The following BAZ1A variants were observed in gnomAD, a reference collection of about 807,000 sequenced individuals.
BAZ1A encodes bromodomain adjacent to zinc finger domain 1A.
BAZ1A carries 50 observed loss-of-function variants against 185.2 expected under a neutral mutation model. The ratio of observed to expected loss-of-function variants is 0.27; its 90% CI spans 0.22 to 0.34. BAZ1A has a LOEUF of 0.34. Ranked by LOEUF, BAZ1A falls within the 10% of genes least tolerant of loss-of-function variation. BAZ1A has a pLI of 1.00. For synonymous variants in BAZ1A, 571 were observed against 615.6 expected (o/e 0.93, Z 1.07); for missense variants, 1,356 against 1,839.9 (o/e 0.74, Z 4.81).
intron 6 of BAZ1A, 110 bp downstream of exon 6, chr14:34,807,341 G>C (rs956959881): frequency 3.0e-5 from 22 of 722,168 alleles, no homozygotes; most frequent in East Asian, 2.6e-4. Context: ...CAGATTAAAA[G>C]AGAGCAATCT....
rs1227818086 is a variant in BAZ1A, at chr14:34,874,597, A to T, written c.8T>A (p.Leu3Gln). The change falls in exon 2 of 27, where the codon CTG (leucine) becomes CAG (glutamine). Residue 3 changes from leucine (L) to glutamine (Q), a missense_variant. Leu to Gln is a moderately radical substitution (Grantham distance 113, BLOSUM62 -2). This residue lies in a region of BAZ1A where 332 missense variants were observed against 395.3 expected (regional missense o/e 0.84). Coordinates refer to ENST00000360310, the MANE Select transcript of BAZ1A (RefSeq NM_013448.3). The surrounding 1 kb of genome is among the most constrained non-coding windows in gnomAD (Gnocchi z 4.7). ...TCTCACAAACGGCTTTCGGTGTAGC[A>T]GCGGCATCTCCCGTCCGCCCGCGGG... MP[L>Q]LHRKPFVRQK... The T allele has an allele frequency of 6.2e-7, 1 of 1,606,666 alleles. No homozygotes were observed. Among genetic ancestry groups the T allele is most frequent in the Non-Finnish European group, 8.5e-7 (1 of 1,176,694 alleles).
chr14:34,863,058 G>A (rs1391835689), intron 2 of BAZ1A, among the ~76,000 whole-genome samples: 7 of 145,372 alleles, frequency 4.8e-5, no homozygotes, highest in Admixed American at 7.1e-5. Flanking sequence ...GCCGGATCTC[G>A]GCTCACTGCA....
At chr14:34,839,229 G>C (rs2138751547) in intron 3 of BAZ1A, among the ~76,000 whole-genome samples, 1 of 152,280 alleles carries the variant, frequency 6.6e-6, no homozygotes, top group East Asian at 1.9e-4. Context: ...TCCTGATTGT[G>C]GTGAGTTACA....
chr14:34,851,970 AC>A (rs1460185766), intron 3 of BAZ1A, among the ~76,000 whole-genome samples: 1 of 151,930 alleles, frequency 6.6e-6, no homozygotes, highest in Non-Finnish European at 1.5e-5. Context: ...TACTAAAAAT[AC>A]AAAAAATTAG....
At chr14:34,863,404 C>T (rs1000299708) in intron 2 of BAZ1A, among the ~76,000 whole-genome samples, 3 of 151,874 alleles carry the variant, frequency 2.0e-5, no homozygotes, top group Admixed American at 2.0e-4. Context: ...CTCAGGCGAT[C>T]TGCCTGCCTC....
In BAZ1A at chr14:34,874,453, C is replaced by T; in HGVS notation, c.113+39G>A. 6.5e-7 allele frequency: 1 copy of T among 1,544,614 alleles called. No homozygotes were observed. The highest frequency in any genetic ancestry group is 8.9e-7 in the Non-Finnish European group (1 of 1,118,420). On this transcript the variant is annotated intron_variant, in intron 2 of 26. Coordinates refer to ENST00000360310, the MANE Select transcript of BAZ1A (RefSeq NM_013448.3). The surrounding 1 kb of genome is among the most constrained non-coding windows in gnomAD (Gnocchi z 4.7). ...CAAAAGAGCGCTGCGGGGGGAGTCC[C>T]CACACCCCCCGCGGCCCCGCACACG...
rs369045831 is a variant in BAZ1A at position 34,801,190 on chromosome 14, C to G, written c.865G>C (p.Asp289His). The part of the protein sequence containing the change: ...PPKRIHISQE[D>H]NVANKQTLAS... ...AGAGTCTGTTTATTAGCAACATTGT[C>G]CTCCTAAAAAACAAACCAAAATAGT... The change falls in exon 8 of 27, where the codon GAC becomes CAC. Residue 289 changes from aspartate (D) to histidine (H), a missense_variant. Coordinates refer to ENST00000360310, the MANE Select transcript of BAZ1A (RefSeq NM_013448.3). 2.3e-5 allele frequency: 37 copies of G among 1,600,360 alleles called. No homozygotes were observed. The Middle Eastern group carries it at 5.0e-4, about 21-fold the overall frequency.
Position 34,874,387 on chromosome 14 carries a change from G to T in BAZ1A, c.113+105C>A. Reference sequence around the variant, plus strand: ...CCCGGGGGCCACCCGTCACTTTCAAGTCGCCCCGCCAGAAGCCCAGGGCGA... The same window carrying T: ...CCCGGGGGCCACCCGTCACTTTCAATTCGCCCCGCCAGAAGCCCAGGGCGA... On this transcript the variant is annotated intron_variant, in intron 2 of 26. Transcript: ENST00000360310. The surrounding 1 kb of genome is among the most constrained non-coding windows in gnomAD (Gnocchi z 4.7). The T allele has an allele frequency of 8.7e-7, 1 of 1,153,990 alleles. No individual in the cohort carries two copies. The highest frequency in any genetic ancestry group is 1.3e-6 in the Non-Finnish European group (1 of 790,882). The allele number at this position is 1,153,990 out of a possible 1,614,324, so 71.5% of individuals were successfully genotyped here.
At chr14:34,804,477 A>G (rs1881748122) in intron 6 of BAZ1A, among the ~76,000 whole-genome samples, 2 of 152,248 alleles carry the variant, frequency 1.3e-5, no homozygotes, top group South Asian at 4.1e-4. Context: ...AAAAGTTAAC[A>G]AAACAGAAAA....
intron 25 of BAZ1A, among the ~76,000 whole-genome samples, chr14:34,755,570 G>A (rs1886203134): frequency 6.6e-6 from 1 of 152,086 alleles, no homozygotes; most frequent in South Asian, 2.1e-4. Flanking sequence ...TCAATGACCA[G>A]TTCCAAATAG....
At chr14:34,823,174 T>C (rs1351406551) in intron 4 of BAZ1A, among the ~76,000 whole-genome samples, 3 of 148,320 alleles carry the variant, frequency 2.0e-5, no homozygotes, top group Admixed American at 1.3e-4. Context: ...GCCATCATGG[T>C]GAAACCCACT....
chr14:34,769,692 CTT>C (rs964238539), intron 21 of BAZ1A, among the ~76,000 whole-genome samples: 73 of 152,254 alleles, frequency 4.8e-4, no homozygotes, highest in African/African-American at 1.8e-3. Flanking sequence ...TCCTTTTACT[CTT>C]TTGGAATCAC....
chr14:34,829,102 C>A (rs2042202848), intron 3 of BAZ1A, among the ~76,000 whole-genome samples: 1 of 152,002 alleles, frequency 6.6e-6, no homozygotes, highest in Admixed American at 6.6e-5. Flanking sequence ...CCTGTCTCTA[C>A]TAAAAATACA....
At chr14:34,760,769 T>C (rs925525504) in intron 24 of BAZ1A, among the ~76,000 whole-genome samples, 2 of 152,052 alleles carry the variant, frequency 1.3e-5, no homozygotes, top group Non-Finnish European at 2.9e-5. Context: ...GGAGGATTGC[T>C]TGAGCCCGGG....
intron 4 of BAZ1A, among the ~76,000 whole-genome samples, chr14:34,816,384 A>G (rs1289137872): frequency 6.6e-6 from 1 of 152,138 alleles, no homozygotes; most frequent in African/African-American, 2.4e-5. Flanking sequence ...CACCACGCCC[A>G]GCCCCAGATG....
chr14:34,810,322 C>T (rs7149749), intron 5 of BAZ1A, among the ~76,000 whole-genome samples: 89,321 of 152,000 alleles, frequency 0.59, 26,429 homozygotes, highest in South Asian at 0.68. Flanking sequence ...AGTTCTTTTA[C>T]GTATTAACTA....
At chr14:34,795,192 C>G (rs932860190) in intron 10 of BAZ1A, among the ~76,000 whole-genome samples, 39 of 152,204 alleles carry the variant, frequency 2.6e-4, no homozygotes, top group African/African-American at 9.2e-4. Context: ...GTAAGAGTCT[C>G]TTAACCCACA....
chr14:34,814,843 G>A (rs1001912461), intron 4 of BAZ1A, among the ~76,000 whole-genome samples: 7 of 150,678 alleles, frequency 4.6e-5, no homozygotes, highest in African/African-American at 9.8e-5. Flanking sequence ...GTGCGGTCTC[G>A]GCTCACTGCA....
intron 12 of BAZ1A, chr14:34,786,630 T>G (rs1230416174): frequency 8.0e-6 from 1 of 125,700 alleles, no homozygotes; most frequent in African/African-American, 3.1e-5. Flanking sequence ...TTTTTTGAGA[T>G]GTAGTCTTGC....
Sources: gnomAD v4.1 joint callset for allele counts (sites outside exome capture counted in the v4.1 genomes callset) on GRCh38, gnomAD v4.1.1 for gene constraint, gnomAD v4.1.1 regional missense constraint, Gnocchi (gnomAD v3.1) non-coding constraint, MANE v1.5 for transcripts, NCBI Gene and HGNC (gene_info 2026-07-23, HGNC 2026-07-21) for gene names.